ABLIM1: variants seen among roughly 807,000 people sequenced by gnomAD.
ABLIM1 encodes actin-binding LIM protein 1.
In ABLIM1, 40 loss-of-function variants were observed where a neutral mutation model predicts 107.0. The ratio of observed to expected loss-of-function variants is 0.37; its 90% CI spans 0.29 to 0.49. The LOEUF (loss-of-function observed/expected upper bound fraction) is 0.49, where lower values mean the gene tolerates loss of function less well. Among genes scored for constraint, ABLIM1 ranks in the 20% least tolerant of loss-of-function variants. ABLIM1 has a pLI of 0.97. For missense variants in ABLIM1, 857 were observed against 1,008.5 expected (o/e 0.85, Z 2.04); for synonymous variants, 357 against 357.3 (o/e 1.00, Z 0.01).
intron 6 of ABLIM1, among the ~76,000 whole-genome samples, chr10:114,511,502 A>G (rs2061867820): frequency 2.6e-5 from 4 of 151,846 alleles, no homozygotes; most frequent in Non-Finnish European, 5.9e-5. Flanking sequence ...AGTAGCTGGG[A>G]CTACAGGCAT....
chr10:114,783,397 C>G, the ABLIM1 span, among the ~76,000 whole-genome samples: 7 of 152,046 alleles, frequency 4.6e-5, no homozygotes, highest in African/African-American at 1.5e-4. Context: ...CTGTAAGATA[C>G]CCAGTACAAG....
intron 4 of ABLIM1, among the ~76,000 whole-genome samples, chr10:114,553,784 GC>G (rs2068378495): frequency 6.6e-6 from 1 of 152,248 alleles, no homozygotes; most frequent in Admixed American, 6.5e-5. Context: ...AAGGCAGGAA[GC>G]TGGCTGGAGT....
At chr10:114,729,132 A>C (rs2082021426) in intron 1 of ABLIM1, among the ~76,000 whole-genome samples, 1 of 152,082 alleles carries the variant, frequency 6.6e-6, no homozygotes, top group Non-Finnish European at 1.5e-5. Flanking sequence ...TCATGCTCTC[A>C]TGAGGAAAGT....
Position 114,437,858 on chromosome 10 carries a change from T to G in ABLIM1, c.2209A>C (p.Arg737=). ...GRNKILREVD[R]TRLERHLAPE... Reference sequence around the variant, plus strand: ...TTTTGTTTTACCTCCAGCCTGGTTCTGTCCACCTCTCTGAGGATTTTGTTT... The same window carrying G: ...TTTTGTTTTACCTCCAGCCTGGTTCGGTCCACCTCTCTGAGGATTTTGTTT... The change falls in exon 22 of 23, where the codon AGA becomes CGA. Residue 737 remains arginine (R), a synonymous_variant. Coordinates refer to ENST00000533213, the MANE Select transcript of ABLIM1 (RefSeq NM_002313.7). 1.9e-6 allele frequency: 3 copies of G among 1,614,196 alleles called. No homozygotes were observed. Among genetic ancestry groups the G allele is most frequent in the Non-Finnish European group, 2.5e-6 (3 of 1,180,024 alleles).
At chr10:114,771,877 G>C (rs967974492), upstream of ABLIM1, among the ~76,000 whole-genome samples, 4 of 152,074 alleles carry the variant, frequency 2.6e-5, no homozygotes, top group African/African-American at 9.7e-5. Context: ...TGCCAAAAAT[G>C]CTCTTTTAAT....
intron 1 of ABLIM1, among the ~76,000 whole-genome samples, chr10:114,652,491 A>C (rs11196836): frequency 0.082 from 12,461 of 152,260 alleles, 996 homozygotes; most frequent in East Asian, 0.44. Flanking sequence ...TGAAGACAAC[A>C]CCTGGTGTGC....
chr10:114,607,088 G>C (rs1591552545), intron 1 of ABLIM1, among the ~76,000 whole-genome samples: 2 of 152,166 alleles, frequency 1.3e-5, no homozygotes, highest in South Asian at 2.1e-4. Context: ...TTTCGAGACT[G>C]AGTTTCACTC....
chr10:114,460,329 G>A (rs756807286), intron 12 of ABLIM1, among the ~76,000 whole-genome samples: 2 of 148,980 alleles, frequency 1.3e-5, no homozygotes, highest in Non-Finnish European at 2.9e-5. Context: ...GGTCGGGCGC[G>A]GTGGCTCACG....
At chr10:114,560,521 A>G (rs2069544495) in intron 4 of ABLIM1, among the ~76,000 whole-genome samples, 1 of 152,220 alleles carries the variant, frequency 6.6e-6, no homozygotes. Flanking sequence ...TCGTGTTATA[A>G]CTGCCTACAG....
chr10:114,613,643 A>C, intron 1 of ABLIM1: 55 of 1,316,214 alleles, frequency 4.2e-5, no homozygotes, highest in Non-Finnish European at 4.8e-5. Context: ...ATAAAGACAC[A>C]AACCTGCCCT....
chr10:114,784,118 G>C, the ABLIM1 span, among the ~76,000 whole-genome samples: 2 of 150,936 alleles, frequency 1.3e-5, no homozygotes, highest in African/African-American at 4.9e-5. Context: ...GAGGCTGAGG[G>C]GGGCGGATCA....
intron 10 of ABLIM1, among the ~76,000 whole-genome samples, chr10:114,470,989 A>T (rs2066426306): frequency 6.6e-6 from 1 of 152,044 alleles, no homozygotes. Flanking sequence ...GGCTCAAGTG[A>T]TCCTCCCATC....
chr10:114,781,676 A>G, the ABLIM1 span, among the ~76,000 whole-genome samples: 9 of 147,342 alleles, frequency 6.1e-5, no homozygotes, highest in African/African-American at 2.2e-4. Flanking sequence ...ATATATATAT[A>G]TATATATATA....
At chr10:114,486,963 C>T (rs1441831908) in intron 8 of ABLIM1, among the ~76,000 whole-genome samples, 2 of 152,118 alleles carry the variant, frequency 1.3e-5, no homozygotes. Flanking sequence ...GCTGTAATTC[C>T]CAGGGCGGCA....
intron 1 of ABLIM1, chr10:114,632,023 G>A: frequency 7.8e-7 from 1 of 1,283,090 alleles, no homozygotes; most frequent in Non-Finnish European, 1.0e-6. Context: ...GGGGCAGCCA[G>A]GAGAAGCCCC....
intron 2 of ABLIM1, among the ~76,000 whole-genome samples, chr10:114,584,101 C>T (rs1023641993): frequency 3.3e-5 from 5 of 150,584 alleles, no homozygotes; most frequent in African/African-American, 1.2e-4. Flanking sequence ...TGCACATGTA[C>T]CCACTGAATC....
intron 6 of ABLIM1, among the ~76,000 whole-genome samples, chr10:114,507,754 A>C (rs1178197318): frequency 6.6e-6 from 1 of 152,152 alleles, no homozygotes; most frequent in Non-Finnish European, 1.5e-5. Flanking sequence ...CACTTATATC[A>C]ACAGGTGATT....
intron 3 of ABLIM1, 36 bp from the exon 4 acceptor site, chr10:114,571,442 C>T (rs757819775): frequency 1.3e-6 from 2 of 1,585,984 alleles, no homozygotes; most frequent in Admixed American, 3.3e-5. Context: ...AAGGTTATTG[C>T]AGCAATTTCA....
chr10:114,548,384 G>A (rs2067632822), intron 4 of ABLIM1, among the ~76,000 whole-genome samples: 1 of 152,142 alleles, frequency 6.6e-6, no homozygotes, highest in South Asian at 2.1e-4. Flanking sequence ...TTTCTTCATG[G>A]TAAAGAGTGT....
Sources: gnomAD v4.1 joint callset for allele counts (sites outside exome capture counted in the v4.1 genomes callset) on GRCh38, gnomAD v4.1.1 for gene constraint, MANE v1.5 for transcripts, NCBI Gene and HGNC (gene_info 2026-07-23, HGNC 2026-07-21) for gene names.